Variants in SCART1 observed in about 807,000 individuals in gnomAD.
SCART1 encodes scavenger receptor cysteine-rich domain-containing protein SCART1.
SCART1 carries 62 observed loss-of-function variants against 36.2 expected under a neutral mutation model. The ratio of observed to expected loss-of-function variants is 1.71; its 90% CI spans 1.40 to 2.12. The LOEUF is 2.12. Among genes scored for constraint, SCART1 ranks in the 30% most tolerant of loss-of-function variants. The probability of loss-of-function intolerance (pLI) is 0.00; values close to 1 mark genes in which losing one functional copy is unlikely to be tolerated. For synonymous variants in SCART1, 487 were observed against 238.7 expected, an observed-to-expected ratio of 2.04 and a Z score of -9.59; for missense variants, 1,041 against 540.5, an observed-to-expected ratio of 1.93 and a Z score of -9.18.
At chr10:133,466,500 C>T in intron 10 of SCART1, 119 bp downstream of exon 10, 1 of 599,924 alleles carries the variant, frequency 1.7e-6, no homozygotes, top group Non-Finnish European at 3.0e-6. Context: ...CAGGCCTATG[C>T]AGACCTACCC....
chr10:133,467,869 C>T (rs1850780923), exon 12 of SCART1: 2 of 693,278 alleles, frequency 2.9e-6, no homozygotes, highest in East Asian at 2.7e-5. Context: ...TGTCTAACCT[C>T]CTGGAGGGAC....
At chr10:133,461,765 CAGTG>C (rs1229964707) in intron 6 of SCART1, among the ~76,000 whole-genome samples, 26 of 152,340 alleles carry the variant, frequency 1.7e-4, no homozygotes, top group African/African-American at 6.0e-4. Context: ...TCTGGCATCT[CAGTG>C]AGAATGACAG....
chr10:133,466,508 C>T (rs1487927286), intron 10 of SCART1, 127 bp downstream of exon 10: 2 of 586,946 alleles, frequency 3.4e-6, no homozygotes, highest in Non-Finnish European at 3.0e-6. Flanking sequence ...TGCAGACCTA[C>T]CCCCAAAGTC....
downstream of SCART1, among the ~76,000 whole-genome samples, chr10:133,469,366 G>A (rs547412339): frequency 2.0e-5 from 3 of 152,230 alleles, no homozygotes; most frequent in East Asian, 5.8e-4. Context: ...ATGATAGACT[G>A]GATAAAGAAA....
In SCART1 at chr10:133,458,730, G is replaced by C. The variant is rs1295831239; in HGVS notation, c.979+74G>C. ...TGTCAAATCCCTTCGTGCCCTAAAG[G>C]TGCCTCTGGCCAGTAGGTGTGGGTG... On this transcript the variant is annotated intron_variant, in intron 4 of 11. Transcript: ENST00000640237. The C allele has an allele frequency of 4.4e-6, 3 of 687,408 alleles. No individual in the cohort carries two copies. In the African/African-American group the frequency reaches 5.3e-5, roughly 12 times the overall value. The allele number at this position is 687,408 out of a possible 1,614,324, so 42.6% of individuals were successfully genotyped here.
intron 6 of SCART1, chr10:133,464,263 C>T (rs1304959103): frequency 9.6e-6 from 3 of 311,168 alleles, no homozygotes; most frequent in African/African-American, 2.2e-5. Context: ...AATAGTGCTG[C>T]GGTGAACCTG....
chr10:133,459,959 C>G (rs731947), exon 6 of SCART1: 457,039 of 542,090 alleles, frequency 0.84, 196,214 homozygotes, highest in South Asian at 0.92. Context: ...ATGCCTGGGA[C>G]CTGCGGGACG....
intron 6 of SCART1, among the ~76,000 whole-genome samples, chr10:133,462,444 G>A (rs1269517092): frequency 2.6e-5 from 4 of 152,308 alleles, no homozygotes; most frequent in South Asian, 2.1e-4. Context: ...TATAAAGTAT[G>A]TTACATGTTA....
At chr10:133,459,547 T>G in exon 6 of SCART1, 1 of 681,562 alleles carries the variant, frequency 1.5e-6, no homozygotes, top group Non-Finnish European at 2.7e-6. Context: ...CGCGTGGAGG[T>G]CTCCCTGGAT....
At chr10:133,458,258 A>G (rs1053747736) in intron 3 of SCART1, 102 bp from the exon 4 acceptor site, 13 of 701,164 alleles carry the variant, frequency 1.9e-5, no homozygotes, top group Admixed American at 1.0e-4. Context: ...GCCTAGATGC[A>G]GGTGATGGCT....
At chr10:133,456,003 C>T (rs1850604747) in intron 1 of SCART1, among the ~76,000 whole-genome samples, 1 of 152,172 alleles carries the variant, frequency 6.6e-6, no homozygotes, top group South Asian at 2.1e-4. Context: ...ATGGGGTCCT[C>T]CAGGATGTTG....
downstream of SCART1, among the ~76,000 whole-genome samples, chr10:133,469,422 G>A (rs1850794371): frequency 6.6e-6 from 1 of 152,180 alleles, no homozygotes. Context: ...CAGAAAAAAG[G>A]ATGAATTCAT....
At chr10:133,463,750 A>G (rs1048655398) in intron 6 of SCART1, among the ~76,000 whole-genome samples, 5 of 152,074 alleles carry the variant, frequency 3.3e-5, no homozygotes, top group African/African-American at 1.2e-4. Context: ...GTTTCAATCC[A>G]TATAATGTGT....
At chr10:133,459,619 G>A (rs898561520) in exon 6 of SCART1, 4 of 674,222 alleles carry the variant, frequency 5.9e-6, no homozygotes, top group Middle Eastern at 2.4e-4. Context: ...GTGGTGTGCC[G>A]GCAACTCGGG....
At chr10:133,456,126 G>A in intron 1 of SCART1, 111 bp from the exon 2 acceptor site, 1 of 634,354 alleles carries the variant, frequency 1.6e-6, no homozygotes, top group South Asian at 1.8e-5. Context: ...GGTGAGAGGA[G>A]CCCGACTCGC....
chr10:133,460,633 T>C (rs527456970), intron 6 of SCART1, among the ~76,000 whole-genome samples: 4 of 151,582 alleles, frequency 2.6e-5, no homozygotes, highest in African/African-American at 9.7e-5. Flanking sequence ...CCTCCTGTAG[T>C]CCAGGGATCC....
At chr10:133,460,598 C>T (rs1233078825) in intron 6 of SCART1, among the ~76,000 whole-genome samples, 1 of 149,624 alleles carries the variant, frequency 6.7e-6, no homozygotes, top group African/African-American at 2.5e-5. Context: ...TGCAGTGGCC[C>T]CATCACCGGT....
exon 6 of SCART1, chr10:133,459,988 A>C: frequency 1.8e-6 from 1 of 541,482 alleles, no homozygotes; most frequent in Admixed American, 3.9e-5. Flanking sequence ...GTCTGCAGGC[A>C]GCTGGGCTGT....
chr10:133,456,722 A>T (rs968940773), intron 2 of SCART1, among the ~76,000 whole-genome samples, 168 bp downstream of exon 2: 1 of 152,068 alleles, frequency 6.6e-6, no homozygotes, highest in Non-Finnish European at 1.5e-5. Context: ...CTCTCTGGGC[A>T]CCGGGGCCAT....
Sources: allele counts gnomAD v4.1 joint callset (sites outside exome capture counted in the v4.1 genomes callset), GRCh38; gene constraint gnomAD v4.1.1; transcripts MANE v1.5; gene names NCBI Gene and HGNC (gene_info 2026-07-23, HGNC 2026-07-21).